Variants in UBR4 observed in about 807,000 individuals in gnomAD.
UBR4 encodes the protein ubiquitin protein ligase E3 component n-recognin 4, also known as E3 ubiquitin-protein ligase UBR4.
A neutral mutation model predicts 575.6 loss-of-function variants in UBR4; 124 were observed. The observed-to-expected ratio is 0.22, with a 90% CI of 0.19 to 0.25. The LOEUF (loss-of-function observed/expected upper bound fraction) is 0.25, where lower values mean the gene tolerates loss of function less well. UBR4 is among the 10% of genes least tolerant of loss of function. The pLI is 1.00. For missense variants in UBR4, 4,818 were observed against 6,478.8 expected, an observed-to-expected ratio of 0.74 and a Z score of 8.80; for synonymous variants, 2,455 against 2,473.7, an observed-to-expected ratio of 0.99 and a Z score of 0.22.
At position 19,179,172 on chromosome 1, in the gene UBR4, A is replaced by C. The variant is rs2090607467; in HGVS notation, c.2233T>G (p.Trp745Gly). 1 of 1,594,966 alleles carries C rather than the reference A, an allele frequency of 6.3e-7. No individual in the cohort carries two copies. Among genetic ancestry groups the C allele is most frequent in the African/African-American group, 1.4e-5 (1 of 73,196 alleles). ...CTTTGAGGGTGAATGTACAAGGGCC[A>C]AGGGCCCTCAGAAAAAGGAGCCACT... Reference protein sequence around the residue: ...LGVAPFSEGPWPLYIHPQSLS... With the variant: ...LGVAPFSEGPGPLYIHPQSLS... The change falls in exon 18 of 106, where the codon TGG becomes GGG. Residue 745 changes from tryptophan to glycine, a missense_variant. Transcript: ENST00000375254.
rs1031847120 is a variant in UBR4 at position 19,093,247 on chromosome 1, G to A, written c.14111+66C>T. The A allele has an allele frequency of 1.5e-5, 23 of 1,565,810 alleles. No individual in the cohort carries two copies. Among genetic ancestry groups the A allele is most frequent in the African/African-American group, 9.5e-5 (7 of 73,680 alleles). On this transcript the variant is annotated intron_variant, in intron 96 of 105. Coordinates refer to ENST00000375254, the MANE Select transcript of UBR4 (RefSeq NM_020765.3). This position sits in a 1 kb window ranked among gnomAD's most constrained non-coding sequence, Gnocchi z 4.8. ...ACGTGAAGCTTTATGCCAAGATGCT[G>A]ATGGAGAAGGAAAAGGAAAGGGCAA...
At chr1:19,204,331 A>G (rs2092900941) in intron 1 of UBR4, among the ~76,000 whole-genome samples, 1 of 151,882 alleles carries the variant, frequency 6.6e-6, no homozygotes, top group African/African-American at 2.4e-5. Flanking sequence ...TTGTTTTTCT[A>G]AGGCTTTCCC....
chr1:19,079,570 C>T (rs1247207670), intron 103 of UBR4: 5 of 152,268 alleles, frequency 3.3e-5, no homozygotes, highest in Admixed American at 3.3e-4. Flanking sequence ...CCAGCTTCTG[C>T]TGAGCTACAT....
Position 19,157,764 on chromosome 1 carries a change from C to T in UBR4, c.5760+51G>A, listed in dbSNP as rs764776602. The T allele has an allele frequency of 1.3e-6, 2 of 1,586,334 alleles. No individual in the cohort carries two copies. Among genetic ancestry groups the T allele is most frequent in the South Asian group, 1.1e-5 (1 of 87,978 alleles). The stretch of plus-strand genomic sequence containing the variant: ...GTGGTCATCAATTTGTTTTGCTTAG[C>T]ATTTAAGACAATATGACCTAAAGTA... On this transcript the variant is annotated intron_variant, in intron 40 of 105. Coordinates refer to ENST00000375254, the MANE Select transcript of UBR4 (RefSeq NM_020765.3). This position sits in a 1 kb window ranked among gnomAD's most constrained non-coding sequence, Gnocchi z 4.4.
At position 19,153,389 on chromosome 1, in the gene UBR4, G is replaced by A; in HGVS notation, c.6744C>T (p.Asn2248=). 2 of 1,614,216 alleles carry A rather than the reference G, an allele frequency of 1.2e-6. No individual in the cohort carries two copies. The highest frequency in any genetic ancestry group is 2.2e-5 in the South Asian group (2 of 91,084). The change falls in exon 46 of 106, where the codon AAC becomes AAT. Residue 2248 remains asparagine (N), a synonymous_variant. Transcript: ENST00000375254. This position sits in a 1 kb window ranked among gnomAD's most constrained non-coding sequence, Gnocchi z 4.1. ...SLRIYMANVE[N]TSYWLQPSLQ... ...GGGATGGCTGCAGCCAGTAGGAGGTGTTCTCCACGTTGGCCATGTAAATGC... is the reference window on the plus strand; with the variant it reads ...GGGATGGCTGCAGCCAGTAGGAGGTATTCTCCACGTTGGCCATGTAAATGC...
chr1:19,095,130 C>A (rs2077900546), intron 93 of UBR4, 105 bp from the exon 94 acceptor site: 1 of 1,533,772 alleles, frequency 6.5e-7, no homozygotes, highest in Admixed American at 1.7e-5. Context: ...TCCCCAGAGA[C>A]CATGTGTGTA....
At chr1:19,178,902 C>T in intron 18 of UBR4, 149 bp downstream of exon 18, 1 of 933,132 alleles carries the variant, frequency 1.1e-6, no homozygotes, top group Non-Finnish European at 1.6e-6. Context: ...TTTAACAGCA[C>T]ATCTCCAAGT....
chr1:19,198,646 G>A lies in UBR4; in HGVS notation c.543C>T (p.Ser181=), dbSNP rs761625091. 7.4e-6 allele frequency: 12 copies of A among 1,614,008 alleles called. No homozygotes were observed. In the African/African-American group the frequency reaches 1.2e-4, roughly 16 times the overall value. Residue 181 remains serine, a synonymous_variant, in exon 5 of 106, where the codon AGC becomes AGT. Coordinates refer to ENST00000375254, the MANE Select transcript of UBR4 (RefSeq NM_020765.3). ...EDQKELASPV[S]PELRQKEVQM... ...GTACCTCCTTTTGCCTCAACTCAGG[G>A]CTTACTGGTGAGGCCAGCTCTTTCT...
chr1:19,152,232 T>A lies in UBR4; in HGVS notation c.6996+81A>T. Reference sequence around the variant, plus strand: ...GTGAGTATATACTCTATACTTGCTTTCTAAAAGGAGATGTGTTCTCAAACC... The same window carrying A: ...GTGAGTATATACTCTATACTTGCTTACTAAAAGGAGATGTGTTCTCAAACC... On this transcript the variant is annotated intron_variant, in intron 47 of 105. Transcript: ENST00000375254. The surrounding 1 kb of genome is among the most constrained non-coding windows in gnomAD (Gnocchi z 4.4). 6.4e-7 allele frequency: 1 copy of A among 1,560,536 alleles called. No individual in the cohort carries two copies. The highest frequency in any genetic ancestry group is 8.7e-7 in the Non-Finnish European group (1 of 1,142,964).
chr1:19,142,069 T>A (rs1215440083), intron 55 of UBR4, among the ~76,000 whole-genome samples: 1 of 152,148 alleles, frequency 6.6e-6, no homozygotes, highest in Non-Finnish European at 1.5e-5. Flanking sequence ...AGGTGAGAGA[T>A]CTAAAACCAG....
intron 86 of UBR4, 37 bp downstream of exon 86, chr1:19,104,548 C>T (rs371636484): frequency 2.5e-6 from 4 of 1,608,102 alleles, no homozygotes; most frequent in Non-Finnish European, 3.4e-6. Flanking sequence ...TAAACAGATT[C>T]AGGATGCCCT....
chr1:19,103,900 C>T (rs1465054103), intron 87 of UBR4, among the ~76,000 whole-genome samples, 184 bp downstream of exon 87: 3 of 152,226 alleles, frequency 2.0e-5, no homozygotes, highest in South Asian at 2.1e-4. Flanking sequence ...GTGACTGAGC[C>T]CAGCTCTAGA....
At chr1:19,187,767 GA>G (rs1301118630) in intron 11 of UBR4, among the ~76,000 whole-genome samples, 2 of 152,078 alleles carry the variant, frequency 1.3e-5, no homozygotes, top group African/African-American at 4.8e-5. Context: ...TTCAGGTTTA[GA>G]ACTCCTGGAC....
chr1:19,151,607 T>C (rs1189357349), intron 48 of UBR4, 36 bp downstream of exon 48: 1 of 1,611,424 alleles, frequency 6.2e-7, no homozygotes, highest in African/African-American at 1.3e-5. Context: ...GCAGTCACAA[T>C]GAGGACAGAG....
At chr1:19,162,641 A>G in intron 34 of UBR4, 30 bp from the exon 35 acceptor site, 1 of 1,588,080 alleles carries the variant, frequency 6.3e-7, no homozygotes, top group Non-Finnish European at 8.6e-7. Context: ...GCAACTTCAG[A>G]TTCTCCATGT....
At chr1:19,085,626 G>T (rs553040758) in intron 101 of UBR4, among the ~76,000 whole-genome samples, 2 of 152,150 alleles carry the variant, frequency 1.3e-5, no homozygotes, top group Non-Finnish European at 2.9e-5. Context: ...TTTGAAATAG[G>T]ACTTGGGGTG....
In UBR4 at chr1:19,145,929, T is replaced by G. The variant is rs1256721660; in HGVS notation, c.7809A>C (p.Gly2603=). The G allele has an allele frequency of 1.2e-6, 2 of 1,613,854 alleles. No homozygotes were observed. Among genetic ancestry groups the G allele is most frequent in the African/African-American group, 2.7e-5 (2 of 74,914 alleles). The change falls in exon 53 of 106, where the codon GGA becomes GGC. Residue 2603 remains glycine, a synonymous_variant. Coordinates refer to ENST00000375254, the MANE Select transcript of UBR4 (RefSeq NM_020765.3). ...ESKLPQMETE[G]MDEGKEPQKQ... The stretch of plus-strand genomic sequence containing the variant: ...TCTGCGGTTCCTTCCCTTCATCCAT[T>G]CCTTCTAAGCAGGAGAAAGAAAATT...
Position 19,179,238 on chromosome 1 carries a change from G to A in UBR4, c.2185-18C>T, listed in dbSNP as rs552993351. ...AGTGTGTTCTGACAAGAAAGACATG[G>A]AACAGAACATTAGCAAACAGATACG... On this transcript the variant is annotated intron_variant, in intron 17 of 105. Transcript: ENST00000375254. 1.6e-5 allele frequency: 25 copies of A among 1,543,050 alleles called. No homozygotes were observed. The South Asian group carries it at 2.8e-4, about 17-fold the overall frequency.
intron 1 of UBR4, among the ~76,000 whole-genome samples, chr1:19,206,855 CA>C (rs914397207): frequency 6.6e-6 from 1 of 152,124 alleles, no homozygotes; most frequent in African/African-American, 2.4e-5. Flanking sequence ...ACTTAAGAAA[CA>C]GGGGTTAGAC....
Sources: allele counts gnomAD v4.1 joint callset (sites outside exome capture counted in the v4.1 genomes callset), GRCh38; gene constraint gnomAD v4.1.1; non-coding constraint Gnocchi (gnomAD v3.1); transcripts MANE v1.5; gene names NCBI Gene and HGNC (gene_info 2026-07-23, HGNC 2026-07-21).